GRM8: variants seen among roughly 807,000 people sequenced by gnomAD.
GRM8 encodes the protein metabotropic glutamate receptor 8.
In GRM8, 47 loss-of-function variants were observed where a neutral mutation model predicts 87.2. The observed-to-expected ratio is 0.54, with a 90% CI of 0.43 to 0.69. GRM8 has a LOEUF of 0.69. GRM8 is among the 30% of genes least tolerant of loss of function. The pLI is 0.00. For synonymous variants in GRM8, 396 were observed against 404.5 expected, an observed-to-expected ratio of 0.98 and a Z score of 0.25; for missense variants, 1,019 against 1,139.2, an observed-to-expected ratio of 0.89 and a Z score of 1.52.
intron 3 of GRM8, among the ~76,000 whole-genome samples, chr7:126,917,129 C>T (rs1803991594): frequency 6.6e-6 from 1 of 152,094 alleles, no homozygotes; most frequent in Non-Finnish European, 1.5e-5. Context: ...GTGTGTGCCA[C>T]CATGCCTGGC....
At position 126,854,279 on chromosome 7, in the gene GRM8, A is replaced by G. The variant is rs1199181161; in HGVS notation, c.1156+48263T>C. 3.9e-5 allele frequency among the ~76,000 whole-genome samples: 6 copies of G among 152,314 alleles called. No individual in the cohort carries two copies. The East Asian group carries it at 9.6e-4, about 24-fold the overall frequency. On this transcript the variant is annotated intron_variant, in intron 6 of 10. Coordinates refer to ENST00000339582, the MANE Select transcript of GRM8 (RefSeq NM_000845.3). ...CAGGGAAATCCTTCATTTAGATTAC[A>G]TCAACCTAGCTTTTTCTTTTGCCAC...
chr7:126,661,218 T>G (rs1389456181), intron 7 of GRM8, among the ~76,000 whole-genome samples: 1 of 152,212 alleles, frequency 6.6e-6, no homozygotes, highest in African/African-American at 2.4e-5. Context: ...AACGGATGGA[T>G]ACATCATTTC....
At chr7:126,773,255 T>G (rs1357320980) in intron 6 of GRM8, among the ~76,000 whole-genome samples, 1 of 152,148 alleles carries the variant, frequency 6.6e-6, no homozygotes, top group African/African-American at 2.4e-5. Context: ...TCTAATTATT[T>G]TTTATTTTGT....
chr7:126,830,927 G>A (rs1390497080), intron 6 of GRM8, among the ~76,000 whole-genome samples: 1 of 152,204 alleles, frequency 6.6e-6, no homozygotes, highest in African/African-American at 2.4e-5. Context: ...TAACAGACAG[G>A]ACCCTCAGCT....
chr7:126,578,850 A>C (rs1164148510), intron 8 of GRM8, among the ~76,000 whole-genome samples: 2 of 152,286 alleles, frequency 1.3e-5, no homozygotes, highest in African/African-American at 2.4e-5. Context: ...GAGGAAAAAA[A>C]AAGAACTTAA....
intron 3 of GRM8, among the ~76,000 whole-genome samples, chr7:127,038,547 C>T (rs1296055813): frequency 6.6e-6 from 1 of 152,054 alleles, no homozygotes; most frequent in African/African-American, 2.4e-5. Context: ...TTATAATAAG[C>T]TTCGAGTGAA....
chr7:126,646,306 AGAAG>A (rs1390551738), intron 7 of GRM8, among the ~76,000 whole-genome samples: 1 of 35,754 alleles, frequency 2.8e-5, no homozygotes, highest in African/African-American at 8.6e-5. Flanking sequence ...AAGGAAGGAA[AGAAG>A]GAAGGAAGGA....
At chr7:126,450,212 C>A (rs1250954855) in intron 9 of GRM8, among the ~76,000 whole-genome samples, 3 of 151,732 alleles carry the variant, frequency 2.0e-5, no homozygotes, top group African/African-American at 7.3e-5. Flanking sequence ...AAAGGTCAGT[C>A]TTTTGCTTTC....
chr7:126,871,609 G>A (rs1799103718), intron 6 of GRM8, among the ~76,000 whole-genome samples: 1 of 152,144 alleles, frequency 6.6e-6, no homozygotes, highest in African/African-American at 2.4e-5. Context: ...ATCTTATCCT[G>A]AATGTTCTGT....
At chr7:126,447,533 A>G (rs1802147264) in intron 9 of GRM8, among the ~76,000 whole-genome samples, 1 of 151,946 alleles carries the variant, frequency 6.6e-6, no homozygotes, top group Non-Finnish European at 1.5e-5. Context: ...AACATCTATC[A>G]TACTAGTTAG....
At chr7:126,973,349 C>T (rs1253631617) in intron 3 of GRM8, among the ~76,000 whole-genome samples, 2 of 152,188 alleles carry the variant, frequency 1.3e-5, no homozygotes, top group Non-Finnish European at 2.9e-5. Flanking sequence ...GGCTCATGTA[C>T]TTGCTCTTCT....
At chr7:126,880,523 C>T (rs1388403687) in intron 6 of GRM8, among the ~76,000 whole-genome samples, 5 of 152,312 alleles carry the variant, frequency 3.3e-5, no homozygotes, top group Non-Finnish European at 5.9e-5. Context: ...ATGTTCTCTA[C>T]AATCAAATAT....
chr7:127,143,133 G>C (rs1828368676), intron 2 of GRM8, among the ~76,000 whole-genome samples: 1 of 152,020 alleles, frequency 6.6e-6, no homozygotes. Flanking sequence ...AGCTCTCTTT[G>C]CTCTGTTTTG....
rs1804077025 is a variant in GRM8 at position 126,652,920 on chromosome 7, C to A, written c.1358-43422G>T. The stretch of plus-strand genomic sequence containing the variant: ...TTCCCAATGTCAGGAATCTCTGTAG[C>A]TTAGAGGAACAGTTTTCCTCAGTGA... On this transcript the variant is annotated intron_variant, in intron 7 of 10. Coordinates refer to ENST00000339582, the MANE Select transcript of GRM8 (RefSeq NM_000845.3). Among the ~76,000 whole-genome samples the A allele has an allele frequency of 2.0e-5, 3 of 152,016 alleles. No individual in the cohort carries two copies. The South Asian group carries it at 6.2e-4, about 32-fold the overall frequency.
intron 2 of GRM8, among the ~76,000 whole-genome samples, chr7:127,204,326 C>T (rs1481511400): frequency 6.6e-6 from 1 of 152,122 alleles, no homozygotes; most frequent in Non-Finnish European, 1.5e-5. Context: ...TTTACTGTAC[C>T]AAAGCAATGT....
chr7:126,738,157 T>C (rs1482658331), intron 7 of GRM8, among the ~76,000 whole-genome samples: 3 of 152,026 alleles, frequency 2.0e-5, no homozygotes, highest in Non-Finnish European at 4.4e-5. Flanking sequence ...GCACATACAG[T>C]ACAAAGACAA....
chr7:126,749,448 T>C (rs1447421431), intron 7 of GRM8, among the ~76,000 whole-genome samples: 14 of 151,868 alleles, frequency 9.2e-5, no homozygotes, highest in Non-Finnish European at 8.8e-5. Flanking sequence ...TTTAGAAAGT[T>C]GACAAATTAG....
chr7:126,665,249 G>A (rs1295109193), intron 7 of GRM8, among the ~76,000 whole-genome samples: 2 of 152,090 alleles, frequency 1.3e-5, no homozygotes, highest in Non-Finnish European at 2.9e-5. Context: ...TTCCATTACT[G>A]GGCAGATACC....
At chr7:126,684,442 T>A (rs774076684) in intron 7 of GRM8, among the ~76,000 whole-genome samples, 3 of 152,218 alleles carry the variant, frequency 2.0e-5, no homozygotes, top group Non-Finnish European at 4.4e-5. Flanking sequence ...GGCAGAGCTC[T>A]GCACTTGGGA....
Sources: allele counts gnomAD v4.1 joint callset (sites outside exome capture counted in the v4.1 genomes callset), GRCh38; gene constraint gnomAD v4.1.1; transcripts MANE v1.5; gene names NCBI Gene and HGNC (gene_info 2026-07-23, HGNC 2026-07-21).